The following AEBP2 variants were observed in gnomAD, a reference collection of about 807,000 sequenced individuals.
The protein encoded by AEBP2 is zinc finger protein AEBP2.
AEBP2 carries 10 observed loss-of-function variants against 50.8 expected under a neutral mutation model. That is an observed-to-expected ratio of 0.20 (90% confidence interval 0.12 to 0.33). The LOEUF (loss-of-function observed/expected upper bound fraction) is 0.33. Among genes scored for constraint, AEBP2 ranks in the 10% least tolerant of loss-of-function variants. The pLI is 1.00. For missense variants in AEBP2, 570 were observed against 688.0 expected (o/e 0.83, Z 1.92); for synonymous variants, 296 against 261.3 (o/e 1.13, Z -1.28).
rs116035106 is a variant in AEBP2 at position 19,454,036 on chromosome 12, T to A, written c.672-8474T>A. On this transcript the variant is annotated intron_variant, in intron 1 of 7. Coordinates refer to ENST00000266508, the MANE Select transcript of AEBP2 (RefSeq NM_153207.5). ...GATTTGGAGATATGGACAGTCTCCA[T>A]GTCTCCATGTGTACCTTAGTTTGTT... Among the ~76,000 whole-genome samples the A allele has an allele frequency of 8.0e-3, 1,213 of 152,208 alleles. 17 individuals are homozygous for A. Among genetic ancestry groups the A allele is most frequent in the African/African-American group, 0.027 (1,139 of 41,516 alleles).
At chr12:19,505,063 A>G (rs1006970591) in intron 5 of AEBP2, among the ~76,000 whole-genome samples, 1 of 152,196 alleles carries the variant, frequency 6.6e-6, no homozygotes, top group Non-Finnish European at 1.5e-5. Context: ...CTAAATAAGG[A>G]TGAAAGAGTT....
Position 19,481,092 on chromosome 12 carries a change from C to CTTT in AEBP2, c.987+7761_987+7763dup, listed in dbSNP as rs71067027. Among the ~76,000 whole-genome samples the CTTT allele has an allele frequency of 7.2e-3, 532 of 74,054 alleles. 125 individuals are homozygous for CTTT. Among genetic ancestry groups the CTTT allele is most frequent in the Non-Finnish European group, 9.3e-3 (392 of 42,312 alleles). 48.6% of individuals were successfully genotyped at this position (74,054 alleles called of 152,430 possible). ...TGTTATTGAAACTTTGCAGTGCATC[C>CTTT]TTTTTTTTTTTTTTTTTTTTTTTTT... On this transcript the variant is annotated intron_variant, in intron 3 of 7. Transcript: ENST00000266508.
chr12:19,456,613 TGAA>T, intron 1 of AEBP2: 1 of 1,528,182 alleles, frequency 6.5e-7, no homozygotes, highest in Non-Finnish European at 9.0e-7. Flanking sequence ...ACCTGAGCAG[TGAA>T]GCCAGCCGCT....
rs1017905871 is a variant in AEBP2, at chr12:19,443,389, C to G, written c.671+3019C>G. Among the ~76,000 whole-genome samples, 87 of 151,728 alleles carry G rather than the reference C, an allele frequency of 5.7e-4. 1 individual carries two copies. Among genetic ancestry groups the G allele is most frequent in the African/African-American group, 2.1e-3 (87 of 41,428 alleles). Reference sequence around the variant, plus strand: ...TGGGATTACAGGAGTGAGCCGCCACCGCAGGCCATGTTAAATATCTTAAGT... The same window carrying G: ...TGGGATTACAGGAGTGAGCCGCCACGGCAGGCCATGTTAAATATCTTAAGT... On this transcript the variant is annotated intron_variant, in intron 1 of 7. Transcript: ENST00000266508.
chr12:19,466,217 A>T (rs1948469963), intron 2 of AEBP2, among the ~76,000 whole-genome samples: 2 of 152,138 alleles, frequency 1.3e-5, no homozygotes, highest in Admixed American at 1.3e-4. Context: ...TAATCCCAGC[A>T]CTTTGGAAAG....
chr12:19,499,139 C>T (rs1327405742), intron 4 of AEBP2, among the ~76,000 whole-genome samples: 1 of 152,166 alleles, frequency 6.6e-6, no homozygotes, highest in African/African-American at 2.4e-5. Context: ...CAATAATTTA[C>T]ATTTTACAAA....
intron 5 of AEBP2, among the ~76,000 whole-genome samples, chr12:19,507,555 C>G (rs1268613906): frequency 1.3e-5 from 2 of 152,174 alleles, no homozygotes; most frequent in Admixed American, 1.3e-4. Context: ...ATATTGTAAG[C>G]TTAAAAACCT....
At chr12:19,463,586 G>C (rs566255838) in intron 2 of AEBP2, among the ~76,000 whole-genome samples, 1 of 151,218 alleles carries the variant, frequency 6.6e-6, no homozygotes, top group East Asian at 1.9e-4. Flanking sequence ...TTGATATTTA[G>C]AGTATAGTAT....
At chr12:19,412,573 C>T (rs912930200) in intron 1 of AEBP2, among the ~76,000 whole-genome samples, 8 of 151,612 alleles carry the variant, frequency 5.3e-5, no homozygotes, top group East Asian at 1.9e-4. Flanking sequence ...CCACTGCACC[C>T]GGCCTCCGAA....
chr12:19,440,447 G>C, intron 1 of AEBP2, 77 bp downstream of exon 1: 13 of 1,424,364 alleles, frequency 9.1e-6, no homozygotes, highest in Non-Finnish European at 1.2e-5. Context: ...CCAAGGCGAC[G>C]TTTTGCCGCG....
chr12:19,489,237 TG>T (rs1948860081), intron 3 of AEBP2, among the ~76,000 whole-genome samples: 1 of 152,252 alleles, frequency 6.6e-6, no homozygotes, highest in Non-Finnish European at 1.5e-5. Context: ...CTCACAGTTC[TG>T]CATGGCTGGG....
chr12:19,505,307 G>T (rs1949140307), intron 5 of AEBP2, among the ~76,000 whole-genome samples: 1 of 152,180 alleles, frequency 6.6e-6, no homozygotes, highest in Non-Finnish European at 1.5e-5. Context: ...GAGCTAGTTT[G>T]TTCATTCACT....
intron 1 of AEBP2, among the ~76,000 whole-genome samples, chr12:19,452,025 G>T (rs1948173410): frequency 6.6e-6 from 1 of 152,152 alleles, no homozygotes; most frequent in Non-Finnish European, 1.5e-5. Context: ...TAAGTAGCTG[G>T]GATTACAGGC....
At chr12:19,458,138 TG>T (rs2153369435) in intron 1 of AEBP2, among the ~76,000 whole-genome samples, 1 of 152,354 alleles carries the variant, frequency 6.6e-6, no homozygotes, top group East Asian at 1.9e-4. Flanking sequence ...CACTGCTTTC[TG>T]TGAAATTGCT....
intron 5 of AEBP2, among the ~76,000 whole-genome samples, chr12:19,511,736 G>A (rs1454177973): frequency 1.3e-5 from 2 of 152,020 alleles, no homozygotes; most frequent in African/African-American, 2.4e-5. Context: ...TGGGCCTGAA[G>A]TGCTCGAAGG....
upstream of AEBP2, among the ~76,000 whole-genome samples, chr12:19,436,251 G>A (rs772265797): frequency 7.2e-5 from 11 of 152,078 alleles, no homozygotes; most frequent in Admixed American, 4.6e-4. Context: ...TGCCAATGTC[G>A]GGAAGTTACC....
At chr12:19,493,438 A>G (rs1256298820) in intron 3 of AEBP2, among the ~76,000 whole-genome samples, 1 of 152,200 alleles carries the variant, frequency 6.6e-6, no homozygotes, top group Non-Finnish European at 1.5e-5. Flanking sequence ...AGTCATTGCC[A>G]GGATATCTAA....
chr12:19,506,604 C>T (rs1949158824), intron 5 of AEBP2, among the ~76,000 whole-genome samples: 1 of 152,154 alleles, frequency 6.6e-6, no homozygotes, highest in African/African-American at 2.4e-5. Context: ...TACATTCCTA[C>T]CTCCACCTCC....
chr12:19,434,096 C>A (rs1456584174), intron 1 of AEBP2, among the ~76,000 whole-genome samples: 1 of 152,042 alleles, frequency 6.6e-6, no homozygotes, highest in Non-Finnish European at 1.5e-5. Context: ...CCACCCACCT[C>A]ACCCTCCCAA....
Sources: allele counts gnomAD v4.1 joint callset (sites outside exome capture counted in the v4.1 genomes callset), GRCh38; gene constraint gnomAD v4.1.1; transcripts MANE v1.5; gene names NCBI Gene and HGNC (gene_info 2026-07-23, HGNC 2026-07-21).